DNAH12: variants seen among roughly 807,000 people sequenced by gnomAD.
The protein encoded by DNAH12 is dynein axonemal heavy chain 12.
DNAH12 carries 285 observed loss-of-function variants against 371.5 expected under a neutral mutation model. The ratio of observed to expected loss-of-function variants is 0.77; its 90% CI spans 0.70 to 0.85. The LOEUF (loss-of-function observed/expected upper bound fraction) is 0.85, where lower values mean the gene tolerates loss of function less well. Ranked by LOEUF, DNAH12 falls within the 40% of genes least tolerant of loss-of-function variation. The pLI is 0.00. For missense variants in DNAH12, 3,611 were observed against 3,689.4 expected (o/e 0.98, Z 0.55); for synonymous variants, 1,200 against 1,213.0 (o/e 0.99, Z 0.22).
intron 70 of DNAH12, among the ~76,000 whole-genome samples, chr3:57,301,464 A>G (rs886424399): frequency 2.0e-5 from 3 of 151,946 alleles, no homozygotes; most frequent in Admixed American, 1.3e-4. Flanking sequence ...GTTTGGCTGA[A>G]GTATAATTTT....
At chr3:57,500,842 A>G (rs1175512936) in intron 11 of DNAH12, among the ~76,000 whole-genome samples, 1 of 152,000 alleles carries the variant, frequency 6.6e-6, no homozygotes, top group Non-Finnish European at 1.5e-5. Flanking sequence ...TGCAGCCTCA[A>G]CCTCCTGGGC....
At chr3:57,331,118 G>A (rs547749870) in intron 62 of DNAH12, among the ~76,000 whole-genome samples, 1 of 152,300 alleles carries the variant, frequency 6.6e-6, no homozygotes, top group African/African-American at 2.4e-5. Flanking sequence ...TTGACCTCAA[G>A]AAGCTCACAG....
At chr3:57,434,907 G>C (rs2065071663) in intron 30 of DNAH12, among the ~76,000 whole-genome samples, 1 of 152,144 alleles carries the variant, frequency 6.6e-6, no homozygotes, top group Non-Finnish European at 1.5e-5. Context: ...AGGAATGAAA[G>C]AGGGAGTCCA....
chr3:57,502,096 A>G (rs1358160830), intron 10 of DNAH12, among the ~76,000 whole-genome samples: 10 of 151,822 alleles, frequency 6.6e-5, no homozygotes, highest in Admixed American at 6.6e-4. Flanking sequence ...TTTAGTAGAG[A>G]CGGGGTTTCA....
intron 12 of DNAH12, among the ~76,000 whole-genome samples, chr3:57,488,379 A>G (rs1185810123): frequency 1.3e-5 from 2 of 152,028 alleles, no homozygotes; most frequent in Admixed American, 1.3e-4. Context: ...TTTTTAGTAG[A>G]GACGGGGTTT....
chr3:57,444,647 A>G (rs1559665488), intron 29 of DNAH12, 50 bp downstream of exon 29: 3 of 1,539,314 alleles, frequency 1.9e-6, no homozygotes, highest in Non-Finnish European at 2.6e-6. Context: ...CAATTGAGTC[A>G]TCGGATGAAT....
chr3:57,383,242 T>C (rs2063432596), intron 49 of DNAH12, among the ~76,000 whole-genome samples: 1 of 152,208 alleles, frequency 6.6e-6, no homozygotes, highest in Admixed American at 6.5e-5. Flanking sequence ...CCCTGAAGAA[T>C]CTTTGTCTAC....
rs772439553 is a variant in DNAH12 at position 57,504,043 on chromosome 3, C to A, written c.1059G>T (p.Leu353Phe). ...FQDLEDNVLS[L>F]VERIAEALQN... is the part of the protein sequence containing the mutation. ...GCAGAGCTTCGGCTATTCGTTCCAC[C>A]AAACTCAAGACATTATCTTCCAAAT... is the stretch of plus-strand genomic sequence containing the variant. Residue 353 changes from leucine (L) to phenylalanine (F), a missense_variant, in exon 9 of 74, where the codon TTG (leucine) becomes TTT (phenylalanine). Around this residue, in one of 3 missense-constraint regions of DNAH12, gnomAD observed 1,314 missense variants for 1,398.7 expected, o/e 0.94. Coordinates refer to ENST00000495027, the MANE Select transcript of DNAH12 (RefSeq NM_001366028.2). The A allele has an allele frequency of 6.2e-7, 1 of 1,613,192 alleles. No homozygotes were observed. Among genetic ancestry groups the A allele is most frequent in the Non-Finnish European group, 8.5e-7 (1 of 1,179,430 alleles).
chr3:57,416,772 C>T (rs1332016048), intron 37 of DNAH12, among the ~76,000 whole-genome samples: 1 of 152,016 alleles, frequency 6.6e-6, no homozygotes, highest in Non-Finnish European at 1.5e-5. Context: ...AGGAATTCCC[C>T]ATTCAGTGAA....
intron 69 of DNAH12, among the ~76,000 whole-genome samples, chr3:57,302,168 A>T (rs1445513801): frequency 2.0e-5 from 3 of 152,164 alleles, no homozygotes; most frequent in African/African-American, 7.2e-5. Flanking sequence ...TACAACTAGC[A>T]TATCAAAATT....
Position 57,434,700 on chromosome 3 carries a change from T to C in DNAH12, c.4656-872A>G, listed in dbSNP as rs1442288260. On this transcript the variant is annotated intron_variant, in intron 30 of 73. Transcript: ENST00000495027. ...AATATGGACAATTATTGTCATGCAA[T>C]GAATGATGAAACATTTGGTAAATGT... is the stretch of plus-strand genomic sequence containing the variant. 5.3e-5 allele frequency among the ~76,000 whole-genome samples: 8 copies of C among 152,290 alleles called. No individual in the cohort carries two copies. The East Asian group carries it at 1.5e-3, about 29-fold the overall frequency.
chr3:57,396,395 G>A (rs1214360146), intron 43 of DNAH12, among the ~76,000 whole-genome samples: 8 of 134,812 alleles, frequency 5.9e-5, no homozygotes, highest in African/African-American at 1.8e-4. Context: ...GAGCATCATC[G>A]TGATTTTTTT....
chr3:57,502,606 T>C (rs911074463), intron 9 of DNAH12, 127 bp from the exon 10 acceptor site: 65 of 992,856 alleles, frequency 6.5e-5, no homozygotes, highest in Non-Finnish European at 8.1e-5. Context: ...TTGGAGCGCA[T>C]TGGTGCGATC....
intron 11 of DNAH12, among the ~76,000 whole-genome samples, chr3:57,490,116 T>C (rs148845524): frequency 1.3e-5 from 2 of 152,312 alleles, no homozygotes; most frequent in Admixed American, 1.3e-4. Context: ...TGGTCAAGGA[T>C]TCTAATTCAA....
At chr3:57,552,783 G>A in the DNAH12 span, among the ~76,000 whole-genome samples, 3 of 151,998 alleles carry the variant, frequency 2.0e-5, no homozygotes, top group Admixed American at 6.6e-5. Flanking sequence ...GTGTAGTTGC[G>A]TGTACCTAAA....
chr3:57,332,544 G>C (rs999084102), intron 62 of DNAH12, among the ~76,000 whole-genome samples: 1 of 152,192 alleles, frequency 6.6e-6, no homozygotes, highest in Admixed American at 6.5e-5. Context: ...AGGTATGCTA[G>C]ACTGTGGAAC....
At position 57,461,689 on chromosome 3, in the gene DNAH12, C is replaced by G; in HGVS notation, c.2536G>C (p.Glu846Gln). ...FEVISAGASK[E>Q]FSLEKAMNTM... ...TTCATGGCTTTCTCTAATGAAAATT[C>G]CTAAAACGGAGGAATGAAGAAAGAA... The change falls in exon 19 of 74, where the codon GAA becomes CAA. Residue 846 changes from glutamate (E) to glutamine (Q), a missense_variant and splice_region_variant. Physicochemically the swap from Glu to Gln is conservative, Grantham distance 29. Transcript: ENST00000495027. 3 of 1,549,654 alleles carry G rather than the reference C, an allele frequency of 1.9e-6. No homozygotes were observed. The highest frequency in any genetic ancestry group is 1.7e-6 in the Non-Finnish European group (2 of 1,146,512).
At chr3:57,476,252 AC>A (rs2066519236) in intron 13 of DNAH12, among the ~76,000 whole-genome samples, 1 of 152,190 alleles carries the variant, frequency 6.6e-6, no homozygotes, top group Non-Finnish European at 1.5e-5. Flanking sequence ...ATAAAAAAAA[AC>A]AAGGAAGTAA....
intron 60 of DNAH12, among the ~76,000 whole-genome samples, chr3:57,342,580 C>G (rs1423437236): frequency 8.0e-6 from 1 of 125,728 alleles, no homozygotes; most frequent in Non-Finnish European, 1.6e-5. Flanking sequence ...ATCACTTGAA[C>G]ACAGGAGGCA....
Sources: allele counts gnomAD v4.1 joint callset (sites outside exome capture counted in the v4.1 genomes callset), GRCh38; gene constraint gnomAD v4.1.1; regional missense constraint gnomAD v4.1.1; transcripts MANE v1.5; gene names NCBI Gene and HGNC (gene_info 2026-07-23, HGNC 2026-07-21).